Variants in PLD5 observed in about 807,000 individuals in gnomAD.
The protein encoded by PLD5 is phospholipase D family member 5, also known as inactive phospholipase D5.
A neutral mutation model predicts 61.1 loss-of-function variants in PLD5; 36 were observed. That is an observed-to-expected ratio of 0.59 (90% CI 0.45 to 0.78). The LOEUF (loss-of-function observed/expected upper bound fraction) is 0.78, where lower values mean the gene tolerates loss of function less well. Among genes scored for constraint, PLD5 ranks in the 30% least tolerant of loss-of-function variants. The pLI is 0.00. For synonymous variants in PLD5, 243 were observed against 242.8 expected (o/e 1.00, Z -0.01); for missense variants, 515 against 644.4 (o/e 0.80, Z 2.17).
intron 2 of PLD5, among the ~76,000 whole-genome samples, chr1:242,323,924 C>A: frequency 6.6e-6 from 1 of 151,908 alleles, no homozygotes; most frequent in East Asian, 1.9e-4. Context: ...AATAAAGTTA[C>A]CAAACGTAGT....
intron 5 of PLD5, among the ~76,000 whole-genome samples, chr1:242,190,313 T>C (rs1484109475): frequency 1.3e-5 from 2 of 151,640 alleles, no homozygotes; most frequent in Non-Finnish European, 2.9e-5. Flanking sequence ...GCCCGGCTAA[T>C]TTTTTTGTAC....
intron 1 of PLD5, among the ~76,000 whole-genome samples, chr1:242,408,750 C>T (rs1664377030): frequency 6.6e-6 from 1 of 152,022 alleles, no homozygotes; most frequent in African/African-American, 2.4e-5. Context: ...GCAAAAATGG[C>T]CTAACACACC....
intron 1 of PLD5, chr1:242,376,986 G>A: frequency 6.2e-7 from 1 of 1,611,724 alleles, no homozygotes; most frequent in Non-Finnish European, 8.5e-7. Flanking sequence ...CCGCATGTGA[G>A]TATTTGAGGC....
intron 5 of PLD5, among the ~76,000 whole-genome samples, chr1:242,204,101 G>T (rs1669164209): frequency 6.6e-6 from 1 of 151,840 alleles, no homozygotes; most frequent in South Asian, 2.1e-4. Context: ...AAAAAACTTA[G>T]GTGTGGTGGC....
intron 7 of PLD5, 146 bp downstream of exon 7, chr1:242,113,744 A>G: frequency 4.0e-6 from 4 of 997,332 alleles, no homozygotes; most frequent in Admixed American, 3.5e-5. Flanking sequence ...TAAATTGCCA[A>G]TGCATGTTAA....
At chr1:242,404,875 A>ATT (rs11361107) in intron 1 of PLD5, among the ~76,000 whole-genome samples, 906 of 75,358 alleles carry the variant, frequency 0.012, 81 homozygotes, top group African/African-American at 0.025. Context: ...TTCCCTGCTA[A>ATT]TTTTTTTTTT....
intron 6 of PLD5, among the ~76,000 whole-genome samples, chr1:242,117,825 C>T (rs1335958368): frequency 1.3e-5 from 2 of 152,156 alleles, no homozygotes; most frequent in Non-Finnish European, 1.5e-5. Context: ...TTGTATGTTA[C>T]TCATTTTCCT....
At chr1:242,434,403 A>G (rs993902134) in intron 1 of PLD5, among the ~76,000 whole-genome samples, 10 of 152,186 alleles carry the variant, frequency 6.6e-5, no homozygotes, top group African/African-American at 2.4e-4. Flanking sequence ...TGATCAAGAC[A>G]TTGTTTTAGA....
At chr1:242,345,405 G>A (rs1229800377) in intron 2 of PLD5, among the ~76,000 whole-genome samples, 1 of 152,140 alleles carries the variant, frequency 6.6e-6, no homozygotes, top group Non-Finnish European at 1.5e-5. Flanking sequence ...TAGGTGTGAG[G>A]GTGAAGTGGA....
chr1:242,505,739 G>T (rs920681825), intron 1 of PLD5, among the ~76,000 whole-genome samples: 1 of 152,200 alleles, frequency 6.6e-6, no homozygotes, highest in African/African-American at 2.4e-5. Flanking sequence ...TGCCCGAGGA[G>T]CTCAGAGGTG....
intron 1 of PLD5, among the ~76,000 whole-genome samples, chr1:242,392,800 G>A (rs1663010445): frequency 1.3e-5 from 2 of 152,142 alleles, no homozygotes; most frequent in South Asian, 4.1e-4. Context: ...TAGGAATTCT[G>A]TCCAGAAAGT....
chr1:242,321,353 G>A (rs6656421), intron 2 of PLD5, among the ~76,000 whole-genome samples: 15,565 of 151,292 alleles, frequency 0.1, 1,136 homozygotes, highest in East Asian at 0.29. Flanking sequence ...GCCCAGGCTG[G>A]AGTACAATGG....
intron 1 of PLD5, chr1:242,377,400 C>A: frequency 8.0e-7 from 1 of 1,243,208 alleles, no homozygotes; most frequent in Non-Finnish European, 1.2e-6. Context: ...TTCTAACTTC[C>A]GCTTGGGACT....
intron 1 of PLD5, among the ~76,000 whole-genome samples, chr1:242,522,139 T>C (rs1294046096): frequency 6.6e-6 from 1 of 152,164 alleles, no homozygotes; most frequent in Non-Finnish European, 1.5e-5. Flanking sequence ...TCAGAATAGA[T>C]ATATGCATCT....
chr1:242,113,785 C>A lies in PLD5; in HGVS notation c.1070+105G>T, dbSNP rs760559296. 3.2e-4 allele frequency: 443 copies of A among 1,379,458 alleles called. 1 individual carries two copies. The highest frequency in any genetic ancestry group is 1.9e-3 in the Middle Eastern group (8 of 4,184). The allele number at this position is 1,379,458 out of a possible 1,614,324, so 85.5% of individuals were successfully genotyped here. On this transcript the variant is annotated intron_variant, in intron 7 of 9. Coordinates refer to ENST00000536534, the MANE Select transcript of PLD5 (RefSeq NM_001372062.1). ...AATGAATGGTGTGCTCTTCCTAAGGCAACCTGATGGCATCTCCATTTCCAG... is the reference window on the plus strand; with the variant it reads ...AATGAATGGTGTGCTCTTCCTAAGGAAACCTGATGGCATCTCCATTTCCAG...
intron 5 of PLD5, among the ~76,000 whole-genome samples, chr1:242,144,188 A>T (rs1406243318): frequency 4.9e-5 from 6 of 121,608 alleles, no homozygotes; most frequent in African/African-American, 1.8e-4. Context: ...ATTTTTTTAA[A>T]AAATATTATT....
chr1:242,135,149 TTG>T (rs1018482723), intron 5 of PLD5, among the ~76,000 whole-genome samples: 1 of 152,172 alleles, frequency 6.6e-6, no homozygotes. Flanking sequence ...AATTTATTGT[TTG>T]TGTGTGTATA....
intron 5 of PLD5, among the ~76,000 whole-genome samples, chr1:242,196,016 G>C (rs1668619143): frequency 6.6e-6 from 1 of 152,076 alleles, no homozygotes; most frequent in Non-Finnish European, 1.5e-5. Context: ...ATGAGAACCA[G>C]GCAGGCTTTG....
Position 242,348,150 on chromosome 1 carries a change from C to G in PLD5, c.282G>C (p.Glu94Asp), listed in dbSNP as rs776455328. ...LIFSAVDIMG[E>D]DEDGLSEKNC... Reference sequence around the variant, plus strand: ...TTTTTTCTGAGAGTCCATCCTCATCCTCTCCCATGATGTCCACGGCTGAAA... The same window carrying G: ...TTTTTTCTGAGAGTCCATCCTCATCGTCTCCCATGATGTCCACGGCTGAAA... The change falls in exon 2 of 10, where the codon GAG becomes GAC. Residue 94 changes from glutamate to aspartate, a missense_variant. This residue lies in a region of PLD5 where 450 missense variants were observed against 598.1 expected (regional missense o/e 0.75). Coordinates refer to ENST00000536534, the MANE Select transcript of PLD5 (RefSeq NM_001372062.1). 13 of 1,613,702 alleles carry G rather than the reference C, an allele frequency of 8.1e-6. No homozygotes were observed. The highest frequency in any genetic ancestry group is 1.1e-5 in the Non-Finnish European group (13 of 1,179,878).
Sources: allele counts gnomAD v4.1 joint callset (sites outside exome capture counted in the v4.1 genomes callset), GRCh38; gene constraint gnomAD v4.1.1; regional missense constraint gnomAD v4.1.1; transcripts MANE v1.5; gene names NCBI Gene and HGNC (gene_info 2026-07-23, HGNC 2026-07-21).